Variants in MYO1D observed in about 807,000 individuals in gnomAD.
MYO1D encodes unconventional myosin-Id.
A neutral mutation model predicts 122.0 loss-of-function variants in MYO1D; 83 were observed. That is an observed-to-expected ratio of 0.68 (90% confidence interval 0.57 to 0.82). MYO1D has a LOEUF of 0.82. Among genes scored for constraint, MYO1D ranks in the 40% least tolerant of loss-of-function variants. The probability of loss-of-function intolerance (pLI) is 0.00; values close to 1 mark genes in which losing one functional copy is unlikely to be tolerated. For missense variants in MYO1D, 1,157 were observed against 1,269.5 expected (o/e 0.91, Z 1.35); for synonymous variants, 464 against 446.9 (o/e 1.04, Z -0.48).
At chr17:32,812,463 CAGGG>C (rs984815825) in intron 1 of MYO1D, among the ~76,000 whole-genome samples, 23 of 152,240 alleles carry the variant, frequency 1.5e-4, no homozygotes, top group African/African-American at 5.5e-4. Flanking sequence ...TTACAAAGGT[CAGGG>C]GTGATAGAGC....
chr17:32,564,358 C>A (rs977725586), intron 21 of MYO1D, among the ~76,000 whole-genome samples: 1 of 152,166 alleles, frequency 6.6e-6, no homozygotes. Context: ...CAGCTTCCTT[C>A]ACAGTGTCAC....
intron 19 of MYO1D, among the ~76,000 whole-genome samples, chr17:32,652,192 T>C (rs1294844759): frequency 2.0e-5 from 3 of 152,204 alleles, no homozygotes; most frequent in African/African-American, 4.8e-5. Flanking sequence ...TAAATTTTGA[T>C]AGATATTGCC....
chr17:32,504,393 G>A (rs1203856454), intron 21 of MYO1D, among the ~76,000 whole-genome samples: 1 of 152,182 alleles, frequency 6.6e-6, no homozygotes, highest in East Asian at 1.9e-4. Context: ...GGGTGGAAGG[G>A]GCACTGTCCA....
intron 20 of MYO1D, among the ~76,000 whole-genome samples, chr17:32,612,357 T>C: frequency 6.6e-6 from 1 of 151,968 alleles, no homozygotes. Flanking sequence ...ACATTAGGAA[T>C]GAGAAAGGGA....
intron 21 of MYO1D, among the ~76,000 whole-genome samples, chr17:32,560,065 A>G (rs755774580): frequency 9.9e-5 from 15 of 151,878 alleles, no homozygotes; most frequent in South Asian, 2.1e-4. Flanking sequence ...GACCAGCCTG[A>G]CCAACATGGT....
intron 1 of MYO1D, among the ~76,000 whole-genome samples, chr17:32,857,302 T>C (rs530824288): frequency 6.6e-6 from 1 of 152,236 alleles, no homozygotes; most frequent in African/African-American, 2.4e-5. Flanking sequence ...TAAGAATCCT[T>C]TGGCCGGGCA....
At chr17:32,867,923 C>CA (rs35826402) in intron 1 of MYO1D, among the ~76,000 whole-genome samples, 13,296 of 110,690 alleles carry the variant, frequency 0.12, 1,112 homozygotes, top group African/African-American at 0.27. Context: ...AAAAAAAAAA[C>CA]AAAAAAAAAA....
intron 1 of MYO1D, among the ~76,000 whole-genome samples, chr17:32,823,632 G>C (rs1422660790): frequency 6.6e-6 from 1 of 152,094 alleles, no homozygotes; most frequent in Non-Finnish European, 1.5e-5. Flanking sequence ...TAAAAATTGA[G>C]TGATCAAAGG....
At chr17:32,841,302 T>C (rs909835933) in intron 1 of MYO1D, among the ~76,000 whole-genome samples, 4 of 151,756 alleles carry the variant, frequency 2.6e-5, no homozygotes, top group Non-Finnish European at 5.9e-5. Context: ...ATCCCACCTT[T>C]ACAAAAAATA....
intron 21 of MYO1D, among the ~76,000 whole-genome samples, chr17:32,575,178 A>G (rs1202908862): frequency 2.6e-5 from 4 of 152,242 alleles, no homozygotes; most frequent in African/African-American, 9.6e-5. Flanking sequence ...ATGATAAAAA[A>G]CATTCTAGAG....
At chr17:32,868,389 G>C (rs1243160320) in intron 1 of MYO1D, among the ~76,000 whole-genome samples, 2 of 152,216 alleles carry the variant, frequency 1.3e-5, no homozygotes, top group Non-Finnish European at 2.9e-5. Flanking sequence ...AAGGAACAAA[G>C]ACAAGATTAA....
chr17:32,560,152 G>C (rs1168069983), intron 21 of MYO1D, among the ~76,000 whole-genome samples: 1 of 152,148 alleles, frequency 6.6e-6, no homozygotes, highest in Non-Finnish European at 1.5e-5. Flanking sequence ...CTACTCAGGA[G>C]GATGAGGCAG....
At chr17:32,574,639 T>G (rs1275816098) in intron 21 of MYO1D, among the ~76,000 whole-genome samples, 5 of 152,224 alleles carry the variant, frequency 3.3e-5, no homozygotes, top group Non-Finnish European at 7.3e-5. Flanking sequence ...TATTGCTGTA[T>G]CTTTGGCACC....
intron 15 of MYO1D, among the ~76,000 whole-genome samples, chr17:32,720,021 T>A (rs114837922): frequency 6.6e-6 from 1 of 152,178 alleles, no homozygotes; most frequent in Non-Finnish European, 1.5e-5. Context: ...GTCAGCTCCT[T>A]AGAGACTCTT....
chr17:32,508,103 G>C (rs993377785), intron 21 of MYO1D, among the ~76,000 whole-genome samples: 3 of 151,842 alleles, frequency 2.0e-5, no homozygotes, highest in African/African-American at 7.3e-5. Context: ...CATCATGTTG[G>C]CCAGGCTGGT....
intron 13 of MYO1D, among the ~76,000 whole-genome samples, chr17:32,740,512 T>A (rs576378969): frequency 6.6e-6 from 1 of 152,312 alleles, no homozygotes; most frequent in South Asian, 2.1e-4. Context: ...AGGGTCTCAC[T>A]CTGTCACCTA....
At chr17:32,721,942 A>G (rs930421920) in intron 14 of MYO1D, among the ~76,000 whole-genome samples, 1 of 152,242 alleles carries the variant, frequency 6.6e-6, no homozygotes, top group African/African-American at 2.4e-5. Context: ...CTACAAGTGT[A>G]AAGAATTTCT....
At chr17:32,554,711 AC>A (rs1467217869) in intron 21 of MYO1D, among the ~76,000 whole-genome samples, 2 of 152,220 alleles carry the variant, frequency 1.3e-5, no homozygotes, top group Non-Finnish European at 2.9e-5. Flanking sequence ...AAAATTAGTA[AC>A]CAAATCATAA....
chr17:32,828,515 C>CAAAAAA (rs137921871), intron 1 of MYO1D, among the ~76,000 whole-genome samples: 47 of 71,774 alleles, frequency 6.5e-4, no homozygotes, highest in East Asian at 1.7e-3. Context: ...GACTCCGTCT[C>CAAAAAA]AAAAAAAAAA....
Sources: gnomAD v4.1 joint callset for allele counts (sites outside exome capture counted in the v4.1 genomes callset) on GRCh38, gnomAD v4.1.1 for gene constraint, MANE v1.5 for transcripts, NCBI Gene and HGNC (gene_info 2026-07-23, HGNC 2026-07-21) for gene names.